VPS52: variants seen among roughly 807,000 people sequenced by gnomAD.
VPS52 encodes vacuolar protein sorting-associated protein 52 homolog.
In VPS52, 56 loss-of-function variants were observed where a neutral mutation model predicts 98.7. The observed-to-expected ratio is 0.57, with a 90% confidence interval of 0.46 to 0.71. The LOEUF (loss-of-function observed/expected upper bound fraction) is 0.71. VPS52 is among the 30% of genes least tolerant of loss of function. VPS52 has a pLI of 0.00. For missense variants in VPS52, 742 were observed against 925.9 expected (o/e 0.80, Z 2.58); for synonymous variants, 348 against 346.4 (o/e 1.00, Z -0.05).
At chr6:33,254,070 G>A (rs1762643456) in intron 17 of VPS52, among the ~76,000 whole-genome samples, 1 of 151,950 alleles carries the variant, frequency 6.6e-6, no homozygotes, top group East Asian at 1.9e-4. Flanking sequence ...GAAAGATCTG[G>A]TAAGAAGAAA....
chr6:33,269,688 C>G, intron 4 of VPS52, 56 bp downstream of exon 4: 1 of 1,588,524 alleles, frequency 6.3e-7, no homozygotes. Context: ...ATCTGTACCA[C>G]ACGCCACAAA....
chr6:33,266,596 C>G lies in VPS52; in HGVS notation c.1242G>C (p.Leu414=), dbSNP rs932874013. 4 of 1,612,476 alleles carry G rather than the reference C, an allele frequency of 2.5e-6. No homozygotes were observed. Among genetic ancestry groups the G allele is most frequent in the Non-Finnish European group, 3.4e-6 (4 of 1,179,726 alleles). Residue 414 remains leucine, a synonymous_variant, in exon 12 of 20, where the codon CTG becomes CTC. Coordinates refer to ENST00000445902, the MANE Select transcript of VPS52 (RefSeq NM_022553.6). ...GTGTACGGCCCATGACAGCATGGAA[C>G]AGGTCGTGTGCAGCTGGGCCAGACA... ...FVVSGPAAHD[L]FHAVMGRTLS... is the part of the protein sequence containing the mutation.
chr6:33,268,297 AG>A lies in VPS52; in HGVS notation c.700-90del. ...GGGGGAAGCAACAAATGGTAAACAT[AG>A]GCAGAAGGGTGGTGAATATCTCTTT... On this transcript the variant is annotated intron_variant, in intron 7 of 19. Transcript: ENST00000445902. This position sits in a 1 kb window ranked among gnomAD's most constrained non-coding sequence, Gnocchi z 4.0. 1 of 1,419,732 alleles carries A rather than the reference AG, an allele frequency of 7.0e-7. No individual in the cohort carries two copies. The highest frequency in any genetic ancestry group is 1.2e-5 in the South Asian group (1 of 85,278). 87.9% of individuals were successfully genotyped at this position (1,419,732 alleles called of 1,614,324 possible). A position where few individuals can be genotyped will look rare whatever the true frequency, so the allele number is the denominator to read the frequency against.
chr6:33,264,537 A>ATGT, intron 13 of VPS52, 40 bp from the exon 14 acceptor site: 1 of 1,610,950 alleles, frequency 6.2e-7, no homozygotes, highest in South Asian at 1.1e-5. Flanking sequence ...CCAGCAAGGA[A>ATGT]TGTTGGAGGG....
rs199625038 is a variant in VPS52, at chr6:33,263,835, G to T, written c.1665C>A (p.Ser555=). 6.2e-7 allele frequency: 1 copy of T among 1,614,134 alleles called. No individual in the cohort carries two copies. Among genetic ancestry groups the T allele is most frequent in the East Asian group, 2.2e-5 (1 of 44,888 alleles). The stretch of plus-strand genomic sequence containing the variant: ...GAAACACAAGCTGCTCCTTCCTTGA[G>T]GAGAACTCAGCTGCCACTCGGAGGA... ...NFVLRVAAEF[S]SRKEQLVFLI... Residue 555 remains serine (S), a synonymous_variant, in exon 16 of 20, where the codon TCC becomes TCA. Coordinates refer to ENST00000445902, the MANE Select transcript of VPS52 (RefSeq NM_022553.6).
intron 17 of VPS52, among the ~76,000 whole-genome samples, chr6:33,256,883 AT>A (rs1278591426): frequency 1.0e-4 from 15 of 150,430 alleles, no homozygotes; most frequent in African/African-American, 3.7e-4. Flanking sequence ...AAAGAAAAAG[AT>A]TTTCTATAAA....
At chr6:33,261,238 G>A (rs552493701) in intron 17 of VPS52, among the ~76,000 whole-genome samples, 1 of 151,758 alleles carries the variant, frequency 6.6e-6, no homozygotes, top group African/African-American at 2.4e-5. Context: ...AGGCCCAGGT[G>A]GGAGGATCAC....
intron 17 of VPS52, among the ~76,000 whole-genome samples, chr6:33,261,163 C>G (rs988346799): frequency 6.6e-6 from 1 of 151,966 alleles, no homozygotes; most frequent in African/African-American, 2.4e-5. Context: ...CAAGAACATA[C>G]ACTGGGGAAA....
In VPS52 at chr6:33,268,355, A is replaced by G; in HGVS notation, c.699+144T>C. 7.4e-7 allele frequency: 1 copy of G among 1,344,342 alleles called. No individual in the cohort carries two copies. The highest frequency in any genetic ancestry group is 1.0e-6 in the Non-Finnish European group (1 of 969,568). The allele number at this position is 1,344,342 out of a possible 1,614,324, so 83.3% of individuals were successfully genotyped here. On this transcript the variant is annotated intron_variant, in intron 7 of 19. Transcript: ENST00000445902. The surrounding 1 kb of genome is among the most constrained non-coding windows in gnomAD (Gnocchi z 4.0). ...TCTCAAGATTTTCAGGGAAACCCAGAGAGACAAGAATGGGGCTGCCCAGAA... is the reference window on the plus strand; with the variant it reads ...TCTCAAGATTTTCAGGGAAACCCAGGGAGACAAGAATGGGGCTGCCCAGAA...
In VPS52 at chr6:33,263,475, C is replaced by T; in HGVS notation, c.1794+9G>A. The T allele has an allele frequency of 1.2e-6, 2 of 1,613,522 alleles. No individual in the cohort carries two copies. Among genetic ancestry groups the T allele is most frequent in the Non-Finnish European group, 1.7e-6 (2 of 1,179,950 alleles). ...AAGGCTGTCTCTTCCCTTTTCCCCA[C>T]ACCCCTACCTGTGTCCGAGCATTGA... On this transcript the variant is annotated intron_variant, in intron 17 of 19. Transcript: ENST00000445902.
At chr6:33,256,505 G>C (rs1264099624) in intron 17 of VPS52, among the ~76,000 whole-genome samples, 1 of 115,692 alleles carries the variant, frequency 8.6e-6, no homozygotes, top group Non-Finnish European at 1.9e-5. Context: ...AAAAAAAAAG[G>C]ATAGGGAGCC....
intron 13 of VPS52, 55 bp downstream of exon 13, chr6:33,264,727 G>T: frequency 6.5e-7 from 1 of 1,542,236 alleles, no homozygotes; most frequent in South Asian, 1.1e-5. Context: ...GCAGAGTCAT[G>T]CAAGACCAAG....
chr6:33,262,522 T>C (rs1763751851), intron 17 of VPS52, among the ~76,000 whole-genome samples: 1 of 152,202 alleles, frequency 6.6e-6, no homozygotes, highest in Non-Finnish European at 1.5e-5. Flanking sequence ...CTGCTGGGTA[T>C]ATACCCAAAA....
Position 33,250,937 on chromosome 6 carries a change from C to T in VPS52, c.2076G>A (p.Leu692=). The T allele has an allele frequency of 6.2e-7, 1 of 1,613,076 alleles. No homozygotes were observed. The highest frequency in any genetic ancestry group is 8.5e-7 in the Non-Finnish European group (1 of 1,180,042). The part of the protein sequence containing the change: ...IQLYHRFHRV[L]SQPQLRALPA... The stretch of plus-strand genomic sequence containing the variant: ...GGAGGGCTCGGAGCTGCGGCTGGGA[C>T]AGCACCCGGTGGAAGCGATGATAGA... The change falls in exon 20 of 20, where the codon CTG becomes CTA. Residue 692 remains leucine (L), a synonymous_variant. Transcript: ENST00000445902.
chr6:33,263,494 G>A lies in VPS52; in HGVS notation c.1784C>T (p.Ala595Val). The A allele has an allele frequency of 6.2e-7, 1 of 1,613,700 alleles. No individual in the cohort carries two copies. Among genetic ancestry groups the A allele is most frequent in the East Asian group, 2.2e-5 (1 of 44,862 alleles). Reference sequence around the variant, plus strand: ...TCCCCACACCCCTACCTGTGTCCGAGCATTGAGCAGCTGCTGGAAGCTCTC... The same window carrying A: ...TCCCCACACCCCTACCTGTGTCCGAACATTGAGCAGCTGCTGGAAGCTCTC... ...EVESFQQLLNARTQEFIEELL... is the reference protein window; with the variant it reads ...EVESFQQLLNVRTQEFIEELL... Residue 595 changes from alanine to valine, a missense_variant, in exon 17 of 20, where the codon GCT becomes GTT. Physicochemically the swap from Ala to Val is moderately conservative, Grantham distance 64. Transcript: ENST00000445902.
At chr6:33,252,583 C>T (rs107860) in intron 17 of VPS52, among the ~76,000 whole-genome samples, 16,567 of 111,856 alleles carry the variant, frequency 0.15, 1,154 homozygotes, top group South Asian at 0.25. Flanking sequence ...AGCAAGACTC[C>T]GTCTCAAAAA....
chr6:33,266,829 C>T, intron 11 of VPS52, 117 bp from the exon 12 acceptor site: 1 of 1,330,716 alleles, frequency 7.5e-7, no homozygotes, highest in Non-Finnish European at 1.0e-6. Flanking sequence ...AGACCCTTCG[C>T]ATCTATCTAG....
At chr6:33,259,361 C>T (rs879468989) in intron 17 of VPS52, among the ~76,000 whole-genome samples, 2 of 152,116 alleles carry the variant, frequency 1.3e-5, no homozygotes, top group Admixed American at 6.5e-5. Flanking sequence ...CGCCTTCAAC[C>T]ATATCTATTA....
chr6:33,251,383 G>C, intron 19 of VPS52, 135 bp downstream of exon 19: 1 of 692,734 alleles, frequency 1.4e-6, no homozygotes. Flanking sequence ...AATCAGGTTA[G>C]GGCTCATACA....
Sources: allele counts gnomAD v4.1 joint callset (sites outside exome capture counted in the v4.1 genomes callset), GRCh38; gene constraint gnomAD v4.1.1; non-coding constraint Gnocchi (gnomAD v3.1); transcripts MANE v1.5; gene names NCBI Gene and HGNC (gene_info 2026-07-23, HGNC 2026-07-21).